Variants in CELF4 observed in about 807,000 individuals in gnomAD.
The protein encoded by CELF4 is CUGBP Elav-like family member 4.
Under a neutral mutation model 59.9 loss-of-function variants are expected in CELF4, and 18 were observed. That is an observed-to-expected ratio of 0.30 (90% CI 0.21 to 0.45). CELF4 has a LOEUF of 0.45. Among genes scored for constraint, CELF4 ranks in the 20% least tolerant of loss-of-function variants. The pLI is 1.00. For synonymous variants in CELF4, 261 were observed against 267.1 expected, an observed-to-expected ratio of 0.98 and a Z score of 0.22; for missense variants, 456 against 689.0, an observed-to-expected ratio of 0.66 and a Z score of 3.79.
chr18:37,346,205 C>T (rs1360921458), intron 2 of CELF4, among the ~76,000 whole-genome samples: 1 of 152,182 alleles, frequency 6.6e-6, no homozygotes, highest in East Asian at 1.9e-4. Context: ...CTGGCCTGCC[C>T]CAATGTCTAG....
Position 37,243,882 on chromosome 18 carries a change from C to T in CELF4, c.*1360G>A, listed in dbSNP as rs576813166. On this transcript the variant is annotated 3_prime_UTR_variant, in exon 13 of 13. Transcript: ENST00000420428. Reference sequence around the variant, plus strand: ...AAGGTGAGTGAAGCGCGCGCAGCTCCCAGAGGGAAGCGAGAGGCGAGGATG... The same window carrying T: ...AAGGTGAGTGAAGCGCGCGCAGCTCTCAGAGGGAAGCGAGAGGCGAGGATG... The T allele has an allele frequency of 4.5e-4, 84 of 185,780 alleles. No individual in the cohort carries two copies. Among genetic ancestry groups the T allele is most frequent in the Middle Eastern group, 2.2e-3 (1 of 456 alleles). The allele number at this position is 185,780 out of a possible 1,614,324, so 11.5% of individuals were successfully genotyped here. A position where few individuals can be genotyped will look rare whatever the true frequency, so the allele number is the denominator to read the frequency against.
At chr18:37,269,563 C>T (rs2090121964) in intron 8 of CELF4, among the ~76,000 whole-genome samples, 1 of 152,190 alleles carries the variant, frequency 6.6e-6, no homozygotes. Flanking sequence ...TTGGGCTGGC[C>T]TGCCTGCCGT....
At chr18:37,473,722 G>C (rs1311951506) in intron 2 of CELF4, 2 of 152,318 alleles carry the variant, frequency 1.3e-5, no homozygotes, top group Non-Finnish European at 2.9e-5. Context: ...GGTGGCTGCT[G>C]CTCCAGCCAG....
intron 2 of CELF4, among the ~76,000 whole-genome samples, chr18:37,350,550 C>A (rs1236529140): frequency 1.3e-5 from 2 of 152,186 alleles, no homozygotes; most frequent in Admixed American, 6.5e-5. Context: ...TTGCAGGACC[C>A]ACCTTCAAAC....
At chr18:37,337,964 TCAC>T (rs1413812224) in intron 2 of CELF4, among the ~76,000 whole-genome samples, 3 of 152,188 alleles carry the variant, frequency 2.0e-5, no homozygotes, top group East Asian at 3.9e-4. Context: ...ATCACCACTG[TCAC>T]CACCACCATG....
intron 2 of CELF4, among the ~76,000 whole-genome samples, chr18:37,484,743 C>T (rs1304124626): frequency 6.6e-6 from 1 of 152,202 alleles, no homozygotes. Context: ...CATGTGTAAG[C>T]ATGGGTGTGC....
Position 37,253,413 on chromosome 18 carries a change from C to T in CELF4, c.*44+354G>A, listed in dbSNP as rs531423147. Reference sequence around the variant, plus strand: ...GCTCTTCTGGGTAGAGCCTGTTCTGCCCCCAACCTCCCTCAGCCTGAGCTT... The same window carrying T: ...GCTCTTCTGGGTAGAGCCTGTTCTGTCCCCAACCTCCCTCAGCCTGAGCTT... On this transcript the variant is annotated intron_variant, in intron 12 of 12. Coordinates refer to ENST00000420428, the MANE Select transcript of CELF4 (RefSeq NM_020180.4). This position sits in a 1 kb window ranked among gnomAD's most constrained non-coding sequence, Gnocchi z 4.5. Among the ~76,000 whole-genome samples the T allele has an allele frequency of 1.2e-4, 19 of 152,272 alleles. No individual in the cohort carries two copies. The highest frequency in any genetic ancestry group is 4.6e-4 in the African/African-American group (19 of 41,572).
chr18:37,486,877 C>T (rs530041113), intron 1 of CELF4, among the ~76,000 whole-genome samples: 6 of 152,346 alleles, frequency 3.9e-5, no homozygotes, highest in South Asian at 4.1e-4. Flanking sequence ...TTCACTTCTC[C>T]GAAACCCATT....
At chr18:37,279,929 A>G (rs2093910969) in intron 3 of CELF4, among the ~76,000 whole-genome samples, 2 of 152,216 alleles carry the variant, frequency 1.3e-5, no homozygotes, top group Non-Finnish European at 2.9e-5. Flanking sequence ...TCATGATCAC[A>G]AAGCCCTTGC....
chr18:37,323,136 G>A (rs1040519890), intron 2 of CELF4, among the ~76,000 whole-genome samples: 3 of 152,108 alleles, frequency 2.0e-5, no homozygotes, highest in African/African-American at 7.2e-5. Context: ...GGGTGCCTGT[G>A]ACTCAGCAAG....
chr18:37,541,436 A>T (rs1603643743), intron 1 of CELF4, among the ~76,000 whole-genome samples: 1 of 151,924 alleles, frequency 6.6e-6, no homozygotes, highest in African/African-American at 2.4e-5. Context: ...TGTTTCTCGC[A>T]CCTTCACTGC....
intron 2 of CELF4, among the ~76,000 whole-genome samples, chr18:37,437,175 C>A (rs1367126185): frequency 4.6e-5 from 7 of 152,148 alleles, no homozygotes; most frequent in Admixed American, 4.6e-4. Context: ...TCAATGCAGG[C>A]CCCACCTTGA....
chr18:37,414,247 C>T (rs1786791), intron 2 of CELF4, among the ~76,000 whole-genome samples: 1 of 147,312 alleles, frequency 6.8e-6, no homozygotes, highest in African/African-American at 2.5e-5. Flanking sequence ...TCTATCTATC[C>T]ATCCATTCAT....
intron 2 of CELF4, among the ~76,000 whole-genome samples, chr18:37,364,484 A>G (rs1267734722): frequency 6.6e-6 from 1 of 152,166 alleles, no homozygotes; most frequent in Non-Finnish European, 1.5e-5. Flanking sequence ...CAGTAATTTG[A>G]GGATCCAGCA....
intron 2 of CELF4, among the ~76,000 whole-genome samples, chr18:37,378,821 C>T (rs1007298121): frequency 2.0e-5 from 3 of 152,030 alleles, no homozygotes; most frequent in Non-Finnish European, 2.9e-5. Context: ...GAGTCAAAAG[C>T]AGGCCCTGGG....
At chr18:37,277,655 G>C (rs771468146) in intron 3 of CELF4, among the ~76,000 whole-genome samples, 1 of 152,190 alleles carries the variant, frequency 6.6e-6, no homozygotes, top group Non-Finnish European at 1.5e-5. Context: ...CATTATGTTT[G>C]ACTCCTGGAA....
intron 2 of CELF4, among the ~76,000 whole-genome samples, chr18:37,383,952 G>C (rs1050164736): frequency 4.6e-5 from 7 of 152,256 alleles, no homozygotes; most frequent in Non-Finnish European, 1.0e-4. Context: ...GTGAGGGGGT[G>C]GGGGGCGGTG....
intron 2 of CELF4, among the ~76,000 whole-genome samples, chr18:37,374,990 G>A (rs943566858): frequency 8.5e-5 from 13 of 152,280 alleles, no homozygotes; most frequent in Admixed American, 5.2e-4. Context: ...TGTGTCGTGC[G>A]GTCTGCCTGT....
Position 37,456,768 on chromosome 18 carries a change from C to T in CELF4, c.369+28757G>A, listed in dbSNP as rs551551311. ...CAATCTGGGGCCTATTCCTGATGCA[C>T]TGTAGCCATGCCCAGGTGAGAGGCA... On this transcript the variant is annotated intron_variant, in intron 2 of 12. Coordinates refer to ENST00000420428, the MANE Select transcript of CELF4 (RefSeq NM_020180.4). Among the ~76,000 whole-genome samples the T allele has an allele frequency of 3.9e-5, 6 of 152,302 alleles. No homozygotes were observed. The East Asian group carries it at 5.8e-4, about 15-fold the overall frequency.
Sources: gnomAD v4.1 joint callset for allele counts (sites outside exome capture counted in the v4.1 genomes callset) on GRCh38, gnomAD v4.1.1 for gene constraint, Gnocchi (gnomAD v3.1) non-coding constraint, MANE v1.5 for transcripts, NCBI Gene and HGNC (gene_info 2026-07-23, HGNC 2026-07-21) for gene names.